The following NELL1 variants were observed in gnomAD, a reference collection of about 807,000 sequenced individuals.
NELL1 encodes the protein neural EGFL like 1.
A neutral mutation model predicts 107.4 loss-of-function variants in NELL1; 76 were observed. The ratio of observed to expected loss-of-function variants is 0.71; its 90% CI spans 0.59 to 0.86. The LOEUF is 0.86. NELL1 is among the 40% of genes least tolerant of loss of function. The probability of loss-of-function intolerance (pLI) is 0.00; values close to 1 mark genes in which losing one functional copy is unlikely to be tolerated. For missense variants in NELL1, 1,024 were observed against 1,005.5 expected, an observed-to-expected ratio of 1.02 and a Z score of -0.25; for synonymous variants, 353 against 341.2, an observed-to-expected ratio of 1.03 and a Z score of -0.38.
chr11:20,721,757 A>G (rs540595212), intron 2 of NELL1, among the ~76,000 whole-genome samples: 1 of 152,284 alleles, frequency 6.6e-6, no homozygotes, highest in East Asian at 1.9e-4. Flanking sequence ...ATGACTTGAC[A>G]CTAGGTGAGT....
intron 15 of NELL1, among the ~76,000 whole-genome samples, chr11:21,451,141 C>T (rs1463315621): frequency 7.1e-6 from 1 of 141,010 alleles, no homozygotes; most frequent in African/African-American, 2.6e-5. Context: ...AAGCCGAGAT[C>T]GCGCCGCTGC....
intron 2 of NELL1, among the ~76,000 whole-genome samples, chr11:20,723,117 T>C (rs1855429987): frequency 6.6e-6 from 1 of 152,080 alleles, no homozygotes; most frequent in Non-Finnish European, 1.5e-5. Flanking sequence ...AAGATGAGAT[T>C]TGGGTGGGAA....
intron 2 of NELL1, among the ~76,000 whole-genome samples, chr11:20,756,725 C>A (rs1465685607): frequency 6.6e-6 from 1 of 152,012 alleles, no homozygotes; most frequent in East Asian, 1.9e-4. Flanking sequence ...CGGGCCTCCA[C>A]CCACTCACTG....
At chr11:20,809,873 G>A (rs1002537175) in intron 3 of NELL1, among the ~76,000 whole-genome samples, 11 of 152,090 alleles carry the variant, frequency 7.2e-5, no homozygotes, top group Non-Finnish European at 1.2e-4. Flanking sequence ...CTTTGTATAT[G>A]TACTCAGTAG....
intron 15 of NELL1, among the ~76,000 whole-genome samples, chr11:21,525,251 T>C (rs1045021085): frequency 2.0e-5 from 3 of 152,220 alleles, no homozygotes. Flanking sequence ...TTGTCAATAC[T>C]ACTGACTTCA....
At chr11:21,315,318 A>G (rs1469211001) in intron 14 of NELL1, among the ~76,000 whole-genome samples, 1 of 152,238 alleles carries the variant, frequency 6.6e-6, no homozygotes, top group African/African-American at 2.4e-5. Flanking sequence ...GATTGGAACC[A>G]GAATCTATGC....
chr11:21,282,747 C>T (rs553013658), intron 14 of NELL1, among the ~76,000 whole-genome samples: 1 of 152,144 alleles, frequency 6.6e-6, no homozygotes, highest in South Asian at 2.1e-4. Flanking sequence ...GCACTAGTCA[C>T]AATAGCCAAG....
At chr11:21,187,471 T>A (rs1220055634) in intron 13 of NELL1, among the ~76,000 whole-genome samples, 4 of 151,846 alleles carry the variant, frequency 2.6e-5, no homozygotes, top group Non-Finnish European at 4.4e-5. Context: ...AAATGATAAA[T>A]TCATCCTTAA....
intron 13 of NELL1, among the ~76,000 whole-genome samples, chr11:21,126,350 C>T (rs1166419767): frequency 8.1e-6 from 1 of 123,934 alleles, no homozygotes; most frequent in African/African-American, 3.3e-5. Flanking sequence ...GTCCAAAAAC[C>T]TATTGAGATA....
chr11:21,378,250 A>G (rs1227225871), intron 15 of NELL1, among the ~76,000 whole-genome samples: 1 of 114,716 alleles, frequency 8.7e-6, no homozygotes, highest in East Asian at 2.5e-4. Flanking sequence ...CTTTTTAAAA[A>G]ATATGCATAT....
intron 3 of NELL1, among the ~76,000 whole-genome samples, chr11:20,805,967 T>A (rs1324401501): frequency 6.6e-6 from 1 of 152,224 alleles, no homozygotes; most frequent in Non-Finnish European, 1.5e-5. Context: ...TTGTTATAGT[T>A]ATTAGTTTTG....
At position 21,229,402 on chromosome 11, in the gene NELL1, A is replaced by G. The variant is rs774840619; in HGVS notation, c.1497A>G (p.Gly499=). ...ENAICTNTVQ[G]HSCTCKPGYV... ...CCATCTGCACCAACACTGTCCAGGG[A>G]CACAGCTGCACCTGCAAACCGGGCT... Residue 499 remains glycine (G), a synonymous_variant, in exon 14 of 20, where the codon GGA becomes GGG. Coordinates refer to ENST00000357134, the MANE Select transcript of NELL1 (RefSeq NM_006157.5). The G allele has an allele frequency of 3.7e-6, 6 of 1,614,028 alleles. No homozygotes were observed. Among genetic ancestry groups the G allele is most frequent in the Non-Finnish European group, 5.1e-6 (6 of 1,179,926 alleles).
intron 2 of NELL1, among the ~76,000 whole-genome samples, chr11:20,782,900 G>C (rs1333531640): frequency 6.6e-6 from 1 of 152,128 alleles, no homozygotes; most frequent in Non-Finnish European, 1.5e-5. Flanking sequence ...GATGTCTCTT[G>C]TTATGCTGAT....
At chr11:21,151,503 A>G (rs1027360375) in intron 13 of NELL1, among the ~76,000 whole-genome samples, 1 of 152,100 alleles carries the variant, frequency 6.6e-6, no homozygotes, top group African/African-American at 2.4e-5. Context: ...TTTGAAGTGT[A>G]TCTTGTGGAG....
intron 4 of NELL1, among the ~76,000 whole-genome samples, chr11:20,869,695 A>G (rs1849160038): frequency 6.6e-6 from 1 of 152,228 alleles, no homozygotes; most frequent in African/African-American, 2.4e-5. Context: ...CTAAATCTAT[A>G]AAATGCTGAT....
intron 12 of NELL1, among the ~76,000 whole-genome samples, chr11:21,045,613 A>C (rs765327222): frequency 3.6e-4 from 55 of 152,138 alleles, no homozygotes; most frequent in Non-Finnish European, 5.3e-4. Context: ...AATGTACTTA[A>C]TTAATTTATG....
intron 12 of NELL1, among the ~76,000 whole-genome samples, chr11:21,089,004 G>A (rs1157905440): frequency 1.3e-5 from 2 of 152,196 alleles, no homozygotes; most frequent in Admixed American, 6.5e-5. Context: ...GACACAGCCA[G>A]TATAAGAGTA....
At chr11:21,293,869 A>G (rs1344512611) in intron 14 of NELL1, among the ~76,000 whole-genome samples, 1 of 152,070 alleles carries the variant, frequency 6.6e-6, no homozygotes, top group Non-Finnish European at 1.5e-5. Flanking sequence ...TCATAATTGG[A>G]AGTTGAACAA....
chr11:21,028,718 T>C (rs1362581297), intron 12 of NELL1, among the ~76,000 whole-genome samples: 2 of 152,118 alleles, frequency 1.3e-5, no homozygotes, highest in African/African-American at 4.8e-5. Flanking sequence ...TTTTCTTATT[T>C]CTCCCTTTGG....
Sources: gnomAD v4.1 joint callset for allele counts (sites outside exome capture counted in the v4.1 genomes callset) on GRCh38, gnomAD v4.1.1 for gene constraint, MANE v1.5 for transcripts, NCBI Gene and HGNC (gene_info 2026-07-23, HGNC 2026-07-21) for gene names.